CLPX: variants seen among roughly 807,000 people sequenced by gnomAD.
CLPX encodes the protein ATP-dependent clpX-like chaperone, mitochondrial.
In CLPX, 34 loss-of-function variants were observed where a neutral mutation model predicts 76.4. The ratio of observed to expected loss-of-function variants is 0.45; its 90% CI spans 0.34 to 0.59. CLPX has a LOEUF of 0.59. Ranked by LOEUF, CLPX falls within the 20% of genes least tolerant of loss-of-function variation. The probability of loss-of-function intolerance (pLI) is 0.01; values close to 1 mark genes in which losing one functional copy is unlikely to be tolerated. For missense variants in CLPX, 613 were observed against 757.0 expected (o/e 0.81, Z 2.23); for synonymous variants, 248 against 270.9 (o/e 0.92, Z 0.83).
At chr15:65,174,374 C>G (rs956360835) in intron 3 of CLPX, among the ~76,000 whole-genome samples, 1 of 152,018 alleles carries the variant, frequency 6.6e-6, no homozygotes, top group Non-Finnish European at 1.5e-5. Flanking sequence ...AAGCAATTCT[C>G]CTGTCTCAGC....
At chr15:65,160,815 C>A (rs974315707) in intron 6 of CLPX, among the ~76,000 whole-genome samples, 4 of 151,946 alleles carry the variant, frequency 2.6e-5, no homozygotes, top group African/African-American at 7.3e-5. Flanking sequence ...TGAGTATATG[C>A]CTTAGAACAA....
At chr15:65,174,729 T>C (rs1661960610) in intron 3 of CLPX, among the ~76,000 whole-genome samples, 1 of 152,210 alleles carries the variant, frequency 6.6e-6, no homozygotes, top group Non-Finnish European at 1.5e-5. Flanking sequence ...ACCAAATCCA[T>C]GCATACTCAA....
At chr15:65,163,590 A>C (rs2087877160) in intron 5 of CLPX, among the ~76,000 whole-genome samples, 1 of 152,182 alleles carries the variant, frequency 6.6e-6, no homozygotes, top group African/African-American at 2.4e-5. Context: ...TATTGTCCAT[A>C]GTAAATTGAG....
At position 65,155,829 on chromosome 15, in the gene CLPX, T is replaced by C; in HGVS notation, c.1174A>G (p.Ile392Val). Residue 392 changes from isoleucine to valine, a missense_variant, in exon 10 of 14, where the codon ATA (isoleucine) becomes GTA (valine). Physicochemically the swap from Ile to Val is conservative, Grantham distance 29 (BLOSUM62 3). Coordinates refer to ENST00000300107, the MANE Select transcript of CLPX (RefSeq NM_006660.5). ...GAATTCTTTTCTGGAACATTGACTA[T>C]TGTGCCTTCTAGTAGTTTTAATAAG... ...QGLLKLLEGT[I>V]VNVPEKNSRK... 1 of 1,613,838 alleles carries C rather than the reference T, an allele frequency of 6.2e-7. No homozygotes were observed. Among genetic ancestry groups the C allele is most frequent in the Non-Finnish European group, 8.5e-7 (1 of 1,179,742 alleles).
rs1467210197 is a variant in CLPX at position 65,185,311 on chromosome 15, T to C, written c.-158A>G. The C allele has an allele frequency of 1.7e-6, 1 of 604,774 alleles. No homozygotes were observed. The highest frequency in any genetic ancestry group is 1.9e-5 in the African/African-American group (1 of 52,964). The allele number at this position is 604,774 out of a possible 1,614,324, so 37.5% of individuals were successfully genotyped here. ...TGCCCGGCAGCCAGGCCTTCACGCT[T>C]CTCTGCCCCACAGCCGTCTATTCAC... is the stretch of plus-strand genomic sequence containing the variant. On this transcript the variant is annotated 5_prime_UTR_variant, in exon 1 of 14. Transcript: ENST00000300107.
intron 13 of CLPX, among the ~76,000 whole-genome samples, chr15:65,151,597 T>C (rs896877513): frequency 1.3e-5 from 2 of 152,288 alleles, no homozygotes; most frequent in Non-Finnish European, 2.9e-5. Context: ...AGAAGCTATT[T>C]CTGATCACAT....
intron 3 of CLPX, among the ~76,000 whole-genome samples, chr15:65,173,365 CAAAAAAAAA>C (rs35763100): frequency 2.5e-4 from 13 of 52,188 alleles, no homozygotes; most frequent in Admixed American, 2.3e-3. Flanking sequence ...GACTCTGTCT[CAAAAAAAAA>C]AAAAAAAAAA....
intron 6 of CLPX, among the ~76,000 whole-genome samples, chr15:65,159,781 T>C (rs988044389): frequency 6.6e-6 from 1 of 151,982 alleles, no homozygotes; most frequent in Admixed American, 6.6e-5. Context: ...CTTGTTTATA[T>C]TTCCTGAATT....
Position 65,152,430 on chromosome 15 carries a change from C to A in CLPX, c.1811G>T (p.Arg604Leu). 2.0e-6 allele frequency: 3 copies of A among 1,468,672 alleles called. No individual in the cohort carries two copies. The highest frequency in any genetic ancestry group is 2.8e-6 in the Non-Finnish European group (3 of 1,090,496). The allele number at this position is 1,468,672 out of a possible 1,614,324, so 91.0% of individuals were successfully genotyped here. ...GTTCTGGCTTGAAAATACACTTTAC[C>A]GGATGTATCCTGGTTCCTTTTTTCC... ...VEGKKEPGYIRAPTKESSEEE... is the reference protein window; with the variant it reads ...VEGKKEPGYILAPTKESSEEE... The change falls in exon 13 of 14, where the codon CGG (arginine) becomes CTG (leucine). Residue 604 changes from arginine to leucine, a missense_variant and splice_region_variant. By Grantham distance (102) the Arg-to-Leu change is moderately radical (BLOSUM62 -2). Coordinates refer to ENST00000300107, the MANE Select transcript of CLPX (RefSeq NM_006660.5).
intron 6 of CLPX, among the ~76,000 whole-genome samples, chr15:65,161,939 T>C (rs1351234856): frequency 6.6e-6 from 1 of 152,190 alleles, no homozygotes; most frequent in East Asian, 1.9e-4. Flanking sequence ...ACACTTCAAA[T>C]AGTGGATATA....
Position 65,156,998 on chromosome 15 carries a change from A to G in CLPX, c.1058-66T>C, listed in dbSNP as rs2087798100. On this transcript the variant is annotated intron_variant, in intron 8 of 13. Transcript: ENST00000300107. ...TATACACAAGATAGCCTCAGCTTTA[A>G]AATACTTAGGTAGCTAGAGAACAAA... 1.0e-5 allele frequency: 10 copies of G among 1,003,954 alleles called. No individual in the cohort carries two copies. In the Admixed American group the frequency reaches 1.5e-4, roughly 15 times the overall value. The allele number at this position is 1,003,954 out of a possible 1,614,324, so 62.2% of individuals were successfully genotyped here.
Position 65,175,526 on chromosome 15 carries a change from A to C in CLPX, c.358+3408T>G, listed in dbSNP as rs1002850084. Among the ~76,000 whole-genome samples the C allele has an allele frequency of 2.6e-5, 4 of 152,110 alleles. No homozygotes were observed. In the East Asian group the frequency reaches 7.7e-4, roughly 29 times the overall value. ...AAACAATAGAAACAAAAAACAAACA[A>C]AAAAACAGGCTGAGTTATCCCTTAA... On this transcript the variant is annotated intron_variant, in intron 3 of 13. Coordinates refer to ENST00000300107, the MANE Select transcript of CLPX (RefSeq NM_006660.5).
intron 1 of CLPX, among the ~76,000 whole-genome samples, chr15:65,182,629 T>G (rs1252014187): frequency 6.6e-6 from 1 of 152,204 alleles, no homozygotes; most frequent in Non-Finnish European, 1.5e-5. Context: ...GGAAACGTTG[T>G]GTTTCAGTTA....
chr15:65,150,967 G>T, intron 13 of CLPX, 54 bp from the exon 14 acceptor site: 2 of 1,280,814 alleles, frequency 1.6e-6, no homozygotes, highest in South Asian at 1.3e-5. Flanking sequence ...AGGTAAACAT[G>T]ATCTTTAAAA....
At position 65,155,351 on chromosome 15, in the gene CLPX, G is replaced by A. The variant is rs184100973; in HGVS notation, c.1312-270C>T. ...TGCAACCTCCGCCTCCTGGGTTCAA[G>A]GGATTCTCCTGCCTCAGCCTCCCGA... On this transcript the variant is annotated intron_variant, in intron 10 of 13. Transcript: ENST00000300107. Among the ~76,000 whole-genome samples, 848 of 152,258 alleles carry A rather than the reference G, an allele frequency of 5.6e-3. 5 individuals carry two copies. The highest frequency in any genetic ancestry group is 0.014 in the Middle Eastern group (4 of 292).
At chr15:65,177,681 A>T (rs954050660) in intron 3 of CLPX, among the ~76,000 whole-genome samples, 3 of 152,194 alleles carry the variant, frequency 2.0e-5, no homozygotes, top group Admixed American at 2.0e-4. Flanking sequence ...ATTAACTCTA[A>T]ATTATGTTAA....
chr15:65,185,142 G>C lies in CLPX; in HGVS notation c.12C>G (p.Cys4Trp), dbSNP rs752997643. 6.4e-7 allele frequency: 1 copy of C among 1,570,516 alleles called. No individual in the cohort carries two copies. Among genetic ancestry groups the C allele is most frequent in the East Asian group, 2.3e-5 (1 of 43,180 alleles). Residue 4 changes from cysteine to tryptophan, a missense_variant, in exon 1 of 14, where the codon TGC becomes TGG. Cys to Trp is a radical substitution (Grantham distance 215, BLOSUM62 -2). Coordinates refer to ENST00000300107, the MANE Select transcript of CLPX (RefSeq NM_006660.5). ...CCGCCGCGCCGCAAGTACAAGCACCGCAGCTGGGCATCTCCGCGAGGCCTA... is the reference window on the plus strand; with the variant it reads ...CCGCCGCGCCGCAAGTACAAGCACCCCAGCTGGGCATCTCCGCGAGGCCTA... Reference protein sequence around the residue: MPSCGACTCGAAAV... With the variant: MPSWGACTCGAAAV...
intron 6 of CLPX, among the ~76,000 whole-genome samples, chr15:65,160,885 A>G (rs556691059): frequency 6.6e-6 from 1 of 152,296 alleles, no homozygotes; most frequent in African/African-American, 2.4e-5. Context: ...CTCACTGTGT[A>G]AGCACAGCTC....
rs767790853 is a variant in CLPX at position 65,150,872 on chromosome 15, C to G, written c.1853G>C (p.Gly618Ala). ...KESSEEEYDS[G>A]VEEEGWPRQA... Reference sequence around the variant, plus strand: ...GCGGGGCCATCCTTCTTCTTCAACTCCAGAGTCATACTCCTCTTCAGAGGA... The same window carrying G: ...GCGGGGCCATCCTTCTTCTTCAACTGCAGAGTCATACTCCTCTTCAGAGGA... Residue 618 changes from glycine to alanine, a missense_variant, in exon 14 of 14, where the codon GGA becomes GCA. By Grantham distance (60) the Gly-to-Ala change is moderately conservative. Transcript: ENST00000300107. 1.2e-6 allele frequency: 2 copies of G among 1,612,908 alleles called. No individual in the cohort carries two copies. Among genetic ancestry groups the G allele is most frequent in the Non-Finnish European group, 1.7e-6 (2 of 1,179,398 alleles).
Sources: gnomAD v4.1 joint callset for allele counts (sites outside exome capture counted in the v4.1 genomes callset) on GRCh38, gnomAD v4.1.1 for gene constraint, MANE v1.5 for transcripts, NCBI Gene and HGNC (gene_info 2026-07-23, HGNC 2026-07-21) for gene names.